FAM174A: variants seen among roughly 807,000 people sequenced by gnomAD.
The protein encoded by FAM174A is family with sequence similarity 174 member A.
In FAM174A, 14 loss-of-function variants were observed where a neutral mutation model predicts 14.3. The observed-to-expected ratio is 0.98, with a 90% CI of 0.65 to 1.53. The LOEUF (loss-of-function observed/expected upper bound fraction) is 1.53. FAM174A is among the 40% of genes most tolerant of loss of function. The pLI is 0.00. For missense variants in FAM174A, 241 were observed against 249.6 expected (o/e 0.97, Z 0.23); for synonymous variants, 108 against 111.4 (o/e 0.97, Z 0.19).
intron 1 of FAM174A, among the ~76,000 whole-genome samples, chr5:100,559,755 G>T (rs1270754038): frequency 6.6e-6 from 1 of 152,032 alleles, no homozygotes; most frequent in East Asian, 1.9e-4. Context: ...ACTGAGGCTT[G>T]TGCATTCGTC....
chr5:100,580,667 G>C (rs1484504850), intron 2 of FAM174A, among the ~76,000 whole-genome samples: 1 of 152,140 alleles, frequency 6.6e-6, no homozygotes, highest in Admixed American at 6.6e-5. Flanking sequence ...ATCTCCTTTG[G>C]TAGCACCCTT....
chr5:100,555,182 G>C (rs1028721024), intron 1 of FAM174A, among the ~76,000 whole-genome samples: 3 of 151,206 alleles, frequency 2.0e-5, no homozygotes, highest in African/African-American at 7.3e-5. Context: ...TGCGGTGTTT[G>C]GTTTTTTGTC....
At position 100,535,595 on chromosome 5, in the gene FAM174A, T is replaced by C; in HGVS notation, c.65T>C (p.Leu22Ser). The C allele has an allele frequency of 6.2e-7, 1 of 1,613,330 alleles. No homozygotes were observed. Among genetic ancestry groups the C allele is most frequent in the Non-Finnish European group, 8.5e-7 (1 of 1,179,962 alleles). The change falls in exon 1 of 3, where the codon TTG becomes TCG. Residue 22 changes from leucine (L) to serine (S), a missense_variant. Coordinates refer to ENST00000312637, the MANE Select transcript of FAM174A (RefSeq NM_198507.3). Reference protein sequence around the residue: ...HLLASVLLLLLLPELSGPLAV... With the variant: ...HLLASVLLLLSLPELSGPLAV... ...TTGGCTTCCGTCCTCCTCCTGCTGT[T>C]GCTGCCTGAACTAAGCGGGCCCCTG...
At chr5:100,561,386 G>A (rs918680706) in intron 1 of FAM174A, among the ~76,000 whole-genome samples, 13 of 151,834 alleles carry the variant, frequency 8.6e-5, no homozygotes, top group African/African-American at 2.4e-4. Flanking sequence ...TGCATTTCTC[G>A]TAACTTCCTA....
intron 2 of FAM174A, among the ~76,000 whole-genome samples, chr5:100,573,899 C>T (rs1746847645): frequency 6.6e-6 from 1 of 151,844 alleles, no homozygotes; most frequent in Admixed American, 6.6e-5. Context: ...TGGAACAGAA[C>T]AGAGCCCTCA....
In FAM174A at chr5:100,562,106, A is replaced by G. The variant is rs1300061330; in HGVS notation, c.487A>G (p.Ile163Val). The change falls in exon 2 of 3, where the codon ATA (isoleucine) becomes GTA (valine). Residue 163 changes from isoleucine to valine, a missense_variant. Coordinates refer to ENST00000312637, the MANE Select transcript of FAM174A (RefSeq NM_198507.3). ...GAGATATGGAGTTTTGGACACTAAC[A>G]TAGAAAATATGGAATTGACACCTTT... ...TRRYGVLDTN[I>V]ENMELTPLEQ... 1 of 1,589,414 alleles carries G rather than the reference A, an allele frequency of 6.3e-7. No individual in the cohort carries two copies. Among genetic ancestry groups the G allele is most frequent in the Non-Finnish European group, 8.6e-7 (1 of 1,169,116 alleles).
In FAM174A at chr5:100,550,710, G is replaced by T. The variant is rs114536146; in HGVS notation, c.435-11344G>T. Reference sequence around the variant, plus strand: ...GTTTCAGTGGAAGCCAATAGTAGAGGTTTGTGACCTAGTTAGGTAGAACAG... The same window carrying T: ...GTTTCAGTGGAAGCCAATAGTAGAGTTTTGTGACCTAGTTAGGTAGAACAG... On this transcript the variant is annotated intron_variant, in intron 1 of 2. Coordinates refer to ENST00000312637, the MANE Select transcript of FAM174A (RefSeq NM_198507.3). Among the ~76,000 whole-genome samples, 977 of 152,288 alleles carry T rather than the reference G, an allele frequency of 6.4e-3. 15 individuals are homozygous for T. The highest frequency in any genetic ancestry group is 0.023 in the African/African-American group (939 of 41,574).
intron 2 of FAM174A, among the ~76,000 whole-genome samples, chr5:100,581,046 A>G (rs531316564): frequency 4.6e-5 from 7 of 152,256 alleles, no homozygotes; most frequent in Admixed American, 3.3e-4. Flanking sequence ...CTTCTGCTTC[A>G]GCCTCCCAAG....
chr5:100,549,047 T>G (rs1348457986), intron 1 of FAM174A, among the ~76,000 whole-genome samples: 2 of 152,144 alleles, frequency 1.3e-5, no homozygotes, highest in East Asian at 3.9e-4. Flanking sequence ...TGTATCTATG[T>G]ATATACCTCT....
intron 2 of FAM174A, among the ~76,000 whole-genome samples, chr5:100,569,799 G>A (rs190414562): frequency 2.6e-5 from 4 of 151,428 alleles, no homozygotes; most frequent in Middle Eastern, 3.4e-3. Flanking sequence ...TCAGCCTCAG[G>A]CATTTAACAA....
At chr5:100,561,385 C>T (rs1183072965) in intron 1 of FAM174A, among the ~76,000 whole-genome samples, 3 of 151,896 alleles carry the variant, frequency 2.0e-5, no homozygotes, top group East Asian at 1.9e-4. Flanking sequence ...TTGCATTTCT[C>T]GTAACTTCCT....
At chr5:100,545,735 A>G (rs1443488130) in intron 1 of FAM174A, among the ~76,000 whole-genome samples, 1 of 152,182 alleles carries the variant, frequency 6.6e-6, no homozygotes, top group Non-Finnish European at 1.5e-5. Context: ...CCTCTAGTTA[A>G]TATGATAGTT....
At chr5:100,578,563 G>A (rs1746946712) in intron 2 of FAM174A, among the ~76,000 whole-genome samples, 1 of 152,004 alleles carries the variant, frequency 6.6e-6, no homozygotes, top group Non-Finnish European at 1.5e-5. Flanking sequence ...TTCCCTTCTA[G>A]GCCAAGGTTT....
intron 2 of FAM174A, among the ~76,000 whole-genome samples, chr5:100,584,329 G>A (rs1351082656): frequency 1.3e-5 from 2 of 152,088 alleles, no homozygotes; most frequent in African/African-American, 4.8e-5. Flanking sequence ...GTATTAATAA[G>A]TGTCATTTGT....
chr5:100,582,914 A>G lies in FAM174A; in HGVS notation c.570-3267A>G, dbSNP rs1747050305. 2.0e-5 allele frequency among the ~76,000 whole-genome samples: 3 copies of G among 152,168 alleles called. No individual in the cohort carries two copies. The South Asian group carries it at 6.2e-4, about 31-fold the overall frequency. On this transcript the variant is annotated intron_variant, in intron 2 of 2. Transcript: ENST00000312637. ...CATGGGGGCTAGGGGCACCAACTAC[A>G]CAGTCAAAAATCCACGTGTAATTTT...
chr5:100,559,100 G>T (rs1746465772), intron 1 of FAM174A, among the ~76,000 whole-genome samples: 1 of 152,078 alleles, frequency 6.6e-6, no homozygotes, highest in Non-Finnish European at 1.5e-5. Flanking sequence ...CATGTTTAGT[G>T]CTTCCTTCAG....
intron 2 of FAM174A, among the ~76,000 whole-genome samples, chr5:100,562,790 C>G (rs1046878328): frequency 6.6e-6 from 1 of 151,690 alleles, no homozygotes; most frequent in Non-Finnish European, 1.5e-5. Flanking sequence ...ATACTGAGAT[C>G]TATTCTCAGT....
At chr5:100,559,655 T>C (rs1467662240) in intron 1 of FAM174A, among the ~76,000 whole-genome samples, 3 of 152,128 alleles carry the variant, frequency 2.0e-5, no homozygotes, top group African/African-American at 7.2e-5. Context: ...TTCTTTTTAT[T>C]CTTTTTTCTC....
intron 2 of FAM174A, among the ~76,000 whole-genome samples, chr5:100,567,955 C>A (rs1391724152): frequency 6.6e-6 from 1 of 151,910 alleles, no homozygotes; most frequent in Non-Finnish European, 1.5e-5. Context: ...TATCATATTT[C>A]TCATCTAAAT....
Sources: allele counts gnomAD v4.1 joint callset (sites outside exome capture counted in the v4.1 genomes callset), GRCh38; gene constraint gnomAD v4.1.1; transcripts MANE v1.5; gene names NCBI Gene and HGNC (gene_info 2026-07-23, HGNC 2026-07-21).